Variants in CLASP2 observed in about 807,000 individuals in gnomAD.
The protein encoded by CLASP2 is cytoplasmic linker associated protein 2.
CLASP2 carries 47 observed loss-of-function variants against 194.4 expected under a neutral mutation model. The ratio of observed to expected loss-of-function variants is 0.24; its 90% CI spans 0.19 to 0.31. The LOEUF (loss-of-function observed/expected upper bound fraction) is 0.31, where lower values mean the gene tolerates loss of function less well. Ranked by LOEUF, CLASP2 falls within the 10% of genes least tolerant of loss-of-function variation. The pLI, the probability that CLASP2 is intolerant of heterozygous loss-of-function variation, is 1.00. For missense variants in CLASP2, 1,445 were observed against 1,823.6 expected (o/e 0.79, Z 3.78); for synonymous variants, 619 against 633.5 (o/e 0.98, Z 0.34).
chr3:33,552,021 C>A (rs764303240), intron 29 of CLASP2, among the ~76,000 whole-genome samples: 2 of 151,002 alleles, frequency 1.3e-5, no homozygotes, highest in Non-Finnish European at 2.9e-5. Flanking sequence ...GTTAGAAATG[C>A]CTCCCAAAAG....
chr3:33,571,518 C>A (rs927170948), intron 25 of CLASP2, among the ~76,000 whole-genome samples: 1 of 151,624 alleles, frequency 6.6e-6, no homozygotes, highest in Admixed American at 6.6e-5. Context: ...GTCTATAATC[C>A]CAGCTACTCG....
chr3:33,689,622 TTA>T, intron 3 of CLASP2: 1 of 410,626 alleles, frequency 2.4e-6, no homozygotes, highest in East Asian at 3.9e-5. Context: ...TAGTTAGCTT[TTA>T]AAAAAAAAGC....
intron 7 of CLASP2, among the ~76,000 whole-genome samples, chr3:33,652,443 CT>C (rs1026339786): frequency 6.6e-6 from 1 of 152,202 alleles, no homozygotes; most frequent in Non-Finnish European, 1.5e-5. Context: ...CCACACTGTG[CT>C]TTTACAACGG....
chr3:33,595,759 ATCAATAT>A (rs1449758974), intron 19 of CLASP2, among the ~76,000 whole-genome samples: 1 of 152,038 alleles, frequency 6.6e-6, no homozygotes, highest in Non-Finnish European at 1.5e-5. Flanking sequence ...GATCCAGAAT[ATCAATAT>A]TAGGATGTCT....
intron 30 of CLASP2, among the ~76,000 whole-genome samples, chr3:33,549,132 C>T (rs2059612911): frequency 6.6e-6 from 1 of 152,010 alleles, no homozygotes; most frequent in Non-Finnish European, 1.5e-5. Context: ...CTCTTTTTAC[C>T]CTGATATGTT....
intron 22 of CLASP2, among the ~76,000 whole-genome samples, chr3:33,582,591 C>T (rs962319262): frequency 6.6e-6 from 1 of 152,016 alleles, no homozygotes; most frequent in Non-Finnish European, 1.5e-5. Context: ...CCCAGGAGGT[C>T]GAGGCCGCAG....
intron 10 of CLASP2, 133 bp from the exon 11 acceptor site, chr3:33,622,413 T>G (rs1157954481): frequency 3.6e-6 from 2 of 559,094 alleles, no homozygotes; most frequent in African/African-American, 3.9e-5. Context: ...ATTACTATAT[T>G]CAGACATCTT....
chr3:33,644,079 G>A (rs539641011), intron 8 of CLASP2, among the ~76,000 whole-genome samples: 3 of 151,832 alleles, frequency 2.0e-5, no homozygotes, highest in African/African-American at 2.4e-5. Flanking sequence ...AACTAACACC[G>A]GAAATATACT....
chr3:33,583,842 G>A (rs1424320222), intron 22 of CLASP2, among the ~76,000 whole-genome samples: 5 of 152,136 alleles, frequency 3.3e-5, no homozygotes, highest in Admixed American at 6.5e-5. Context: ...TGGAAATGAC[G>A]GATCAAGTAG....
At position 33,581,836 on chromosome 3, in the gene CLASP2, A is replaced by G. The variant is rs753074704; in HGVS notation, c.2332T>C (p.Ser778Pro). Reference protein sequence around the residue: ...ESSRDTSPVRSFQPLGPGYGI... With the variant: ...ESSRDTSPVRPFQPLGPGYGI... ...GAATACGTACCGAGGGGCTGAAAAG[A>G]GCGAACAGGACTTGTGTCTCTGCTG... The change falls in exon 23 of 39, where the codon TCT becomes CCT. Residue 778 changes from serine (S) to proline (P), a missense_variant. Around this residue, in one of 4 missense-constraint regions of CLASP2, gnomAD observed 732 missense variants for 987.9 expected, o/e 0.74. Transcript: ENST00000682230. 6.8e-6 allele frequency: 11 copies of G among 1,613,226 alleles called. No homozygotes were observed. In the East Asian group the frequency reaches 1.1e-4, roughly 16 times the overall value.
chr3:33,683,387 T>G (rs2090127492), intron 6 of CLASP2: 1 of 152,208 alleles, frequency 6.6e-6, no homozygotes, highest in African/African-American at 2.4e-5. Context: ...GCGGGAGGAC[T>G]GCTTGAGCTC....
intron 29 of CLASP2, among the ~76,000 whole-genome samples, chr3:33,553,137 T>C (rs2060324222): frequency 6.6e-6 from 1 of 152,184 alleles, no homozygotes; most frequent in African/African-American, 2.4e-5. Flanking sequence ...GTCATTTTTG[T>C]CACTCAGGTG....
At chr3:33,638,356 G>A (rs1202628399) in intron 8 of CLASP2, among the ~76,000 whole-genome samples, 1 of 151,986 alleles carries the variant, frequency 6.6e-6, no homozygotes, top group Non-Finnish European at 1.5e-5. Flanking sequence ...CCAGGCTGTA[G>A]TGCAGTGGCG....
At chr3:33,643,002 G>A (rs1430691879) in intron 8 of CLASP2, among the ~76,000 whole-genome samples, 2 of 151,844 alleles carry the variant, frequency 1.3e-5, no homozygotes, top group Non-Finnish European at 2.9e-5. Flanking sequence ...ATCTTTAAGT[G>A]ATTAATTACT....
intron 21 of CLASP2, chr3:33,592,129 A>G: frequency 1.4e-6 from 1 of 695,012 alleles, no homozygotes; most frequent in Non-Finnish European, 2.6e-6. Flanking sequence ...TGCAGCCCTA[A>G]TAAAACACCA....
At chr3:33,594,275 C>T (rs568704638) in intron 20 of CLASP2, among the ~76,000 whole-genome samples, 1 of 152,012 alleles carries the variant, frequency 6.6e-6, no homozygotes, top group Admixed American at 6.6e-5. Context: ...AAATAGTCAT[C>T]CACGTAAAAC....
chr3:33,568,305 C>A (rs1222402406), intron 26 of CLASP2, among the ~76,000 whole-genome samples: 3 of 151,976 alleles, frequency 2.0e-5, no homozygotes, highest in Non-Finnish European at 4.4e-5. Context: ...GTCATCACAG[C>A]ACTTTGGGGG....
At chr3:33,592,128 A>G in intron 21 of CLASP2, 1 of 694,654 alleles carries the variant, frequency 1.4e-6, no homozygotes, top group Non-Finnish European at 2.6e-6. Context: ...ATGCAGCCCT[A>G]ATAAAACACC....
chr3:33,612,668 C>T (rs1271627277), intron 12 of CLASP2, among the ~76,000 whole-genome samples: 1 of 152,112 alleles, frequency 6.6e-6, no homozygotes, highest in African/African-American at 2.4e-5. Context: ...TTAACATAAG[C>T]ATACATATTT....
Sources: gnomAD v4.1 joint callset for allele counts (sites outside exome capture counted in the v4.1 genomes callset) on GRCh38, gnomAD v4.1.1 for gene constraint, gnomAD v4.1.1 regional missense constraint, MANE v1.5 for transcripts, NCBI Gene and HGNC (gene_info 2026-07-23, HGNC 2026-07-21) for gene names.